The following PRRC2C variants were observed in gnomAD, a reference collection of about 807,000 sequenced individuals.
PRRC2C encodes the protein proline rich coiled-coil 2C.
A neutral mutation model predicts 317.2 loss-of-function variants in PRRC2C; 72 were observed. That is an observed-to-expected ratio of 0.23 (90% CI 0.19 to 0.28). The LOEUF (loss-of-function observed/expected upper bound fraction) is 0.28, where lower values mean the gene tolerates loss of function less well. Ranked by LOEUF, PRRC2C falls within the 10% of genes least tolerant of loss-of-function variation. PRRC2C has a pLI of 1.00. For missense variants in PRRC2C, 3,074 were observed against 3,459.7 expected, an observed-to-expected ratio of 0.89 and a Z score of 2.80; for synonymous variants, 1,296 against 1,205.9, an observed-to-expected ratio of 1.07 and a Z score of -1.55.
chr1:171,488,970 A>T (rs1475523220), intron 1 of PRRC2C, among the ~76,000 whole-genome samples: 1 of 152,170 alleles, frequency 6.6e-6, no homozygotes, highest in East Asian at 1.9e-4. Flanking sequence ...TTATGTATGT[A>T]GCATACTACA....
intron 18 of PRRC2C, among the ~76,000 whole-genome samples, chr1:171,551,304 A>G (rs58742444): frequency 2.0e-5 from 3 of 151,886 alleles, no homozygotes; most frequent in Non-Finnish European, 4.4e-5. Flanking sequence ...CCACTTTTTG[A>G]TGGGGTTGTT....
chr1:171,524,790 A>G (rs1470222009), intron 9 of PRRC2C, 31 bp from the exon 10 acceptor site: 1 of 1,523,536 alleles, frequency 6.6e-7, no homozygotes, highest in South Asian at 1.3e-5. Flanking sequence ...CAGTTGGTCC[A>G]CTTTATTTCT....
intron 10 of PRRC2C, among the ~76,000 whole-genome samples, chr1:171,525,230 G>A (rs1468334745): frequency 4.6e-5 from 7 of 152,118 alleles, no homozygotes; most frequent in African/African-American, 1.7e-4. Flanking sequence ...TCATAGCAAA[G>A]TGTAGGGATA....
chr1:171,578,215 T>G (rs1370148284), intron 26 of PRRC2C, among the ~76,000 whole-genome samples: 3 of 152,244 alleles, frequency 2.0e-5, no homozygotes, highest in Admixed American at 6.5e-5. Context: ...AGAGATTAAG[T>G]AAGGGTATTC....
At chr1:171,499,223 T>C (rs1459836634) in intron 1 of PRRC2C, among the ~76,000 whole-genome samples, 1 of 152,188 alleles carries the variant, frequency 6.6e-6, no homozygotes, top group Non-Finnish European at 1.5e-5. Context: ...CTCCACTCAG[T>C]GGATGAGGAA....
chr1:171,507,004 G>A (rs1389107027), intron 1 of PRRC2C, among the ~76,000 whole-genome samples: 1 of 151,990 alleles, frequency 6.6e-6, no homozygotes, highest in Non-Finnish European at 1.5e-5. Context: ...GACTAGGTTG[G>A]TTTCACTTGC....
intron 17 of PRRC2C, among the ~76,000 whole-genome samples, chr1:171,546,947 C>A (rs893522276): frequency 6.6e-6 from 1 of 151,902 alleles, no homozygotes; most frequent in Non-Finnish European, 1.5e-5. Flanking sequence ...ACATAATAGG[C>A]CCAGGGCAGT....
rs777704234 is a variant in PRRC2C, at chr1:171,532,899, C to A, written c.1811C>A (p.Pro604His). 2.1e-5 allele frequency: 33 copies of A among 1,576,544 alleles called. No individual in the cohort carries two copies. The South Asian group carries it at 4.0e-4, about 19-fold the overall frequency. Residue 604 changes from proline to histidine, a missense_variant, in exon 12 of 35, where the codon CCC becomes CAC. Physicochemically the swap from Pro to His is moderately conservative, Grantham distance 77. Coordinates refer to ENST00000647382, the MANE Select transcript of PRRC2C (RefSeq NM_001387844.1). ...GAAAAATTAGAGGAGAAAATTGAAC[C>A]CAGAGAACCTAATTTAGAGCCCATG... The part of the protein sequence containing the change: ...EREKLEEKIE[P>H]REPNLEPMVE...
intron 3 of PRRC2C, 89 bp downstream of exon 3, chr1:171,513,261 G>A: frequency 2.3e-6 from 3 of 1,307,926 alleles, no homozygotes; most frequent in Non-Finnish European, 3.2e-6. Flanking sequence ...TAAGTGTTAT[G>A]CTGTCTGTAT....
chr1:171,515,869 C>T lies in PRRC2C; in HGVS notation c.526+10C>T, dbSNP rs773483953. 1 of 1,579,468 alleles carries T rather than the reference C, an allele frequency of 6.3e-7. No homozygotes were observed. The highest frequency in any genetic ancestry group is 8.6e-7 in the Non-Finnish European group (1 of 1,166,876). On this transcript the variant is annotated intron_variant, in intron 5 of 34. Transcript: ENST00000647382. ...AGTTTACGTCCACCAAGTAAGAGTACTTTCTCTTTAATACAAAATGAGATC... is the reference window on the plus strand; with the variant it reads ...AGTTTACGTCCACCAAGTAAGAGTATTTTCTCTTTAATACAAAATGAGATC...
At chr1:171,515,638 T>A (rs1672219988) in intron 4 of PRRC2C, 96 bp from the exon 5 acceptor site, 1 of 1,055,514 alleles carries the variant, frequency 9.5e-7, no homozygotes. Flanking sequence ...TGGAATAATT[T>A]AAGAGAAAGA....
At chr1:171,508,430 GT>G (rs1484478904) in intron 1 of PRRC2C, among the ~76,000 whole-genome samples, 4 of 152,176 alleles carry the variant, frequency 2.6e-5, no homozygotes, top group African/African-American at 9.7e-5. Flanking sequence ...CTGTTAAACT[GT>G]GGTATATCAC....
intron 17 of PRRC2C, among the ~76,000 whole-genome samples, chr1:171,546,649 G>A (rs1276605547): frequency 6.6e-6 from 1 of 152,144 alleles, no homozygotes; most frequent in African/African-American, 2.4e-5. Flanking sequence ...GCCCAGGCTG[G>A]TGTACAGTGA....
chr1:171,513,451 G>A (rs1671747163), intron 3 of PRRC2C: 1 of 526,532 alleles, frequency 1.9e-6, no homozygotes, highest in African/African-American at 1.9e-5. Context: ...CACCAACTCA[G>A]GTATTCCCTT....
chr1:171,569,080 T>G (rs1463043567), intron 23 of PRRC2C, among the ~76,000 whole-genome samples: 1 of 152,172 alleles, frequency 6.6e-6, no homozygotes, highest in Non-Finnish European at 1.5e-5. Context: ...CAGTGTCATT[T>G]ATTTAGAAGA....
intron 15 of PRRC2C, among the ~76,000 whole-genome samples, chr1:171,539,331 C>T (rs573063233): frequency 1.9e-4 from 29 of 152,252 alleles, no homozygotes; most frequent in African/African-American, 6.7e-4. Flanking sequence ...GTGGCAGAAA[C>T]CACTTAGAAC....
intron 18 of PRRC2C, among the ~76,000 whole-genome samples, chr1:171,552,805 G>A (rs1680553947): frequency 6.6e-6 from 1 of 152,164 alleles, no homozygotes; most frequent in Admixed American, 6.5e-5. Context: ...GCATCCTAGG[G>A]ATGAAGCCAA....
At chr1:171,575,226 A>T (rs1402534953) in intron 25 of PRRC2C, 98 bp downstream of exon 25, 2 of 1,200,076 alleles carry the variant, frequency 1.7e-6, no homozygotes, top group Non-Finnish European at 2.3e-6. Flanking sequence ...CGAAAATAGT[A>T]ATATTCAATC....
At chr1:171,542,318 C>A in intron 16 of PRRC2C, 89 bp downstream of exon 16, 1 of 1,185,532 alleles carries the variant, frequency 8.4e-7, no homozygotes, top group Non-Finnish European at 1.2e-6. Context: ...AAGAGCCAGT[C>A]TAGATAAAGG....
Sources: allele counts gnomAD v4.1 joint callset (sites outside exome capture counted in the v4.1 genomes callset), GRCh38; gene constraint gnomAD v4.1.1; transcripts MANE v1.5; gene names NCBI Gene and HGNC (gene_info 2026-07-23, HGNC 2026-07-21).